Variants in KCNT2 observed in about 807,000 individuals in gnomAD.
KCNT2 encodes the protein potassium channel subfamily T member 2.
In KCNT2, 67 loss-of-function variants were observed where a neutral mutation model predicts 153.8. The ratio of observed to expected loss-of-function variants is 0.44; its 90% CI spans 0.36 to 0.53. KCNT2 has a LOEUF of 0.53. Among genes scored for constraint, KCNT2 ranks in the 20% least tolerant of loss-of-function variants. KCNT2 has a pLI of 0.00. For synonymous variants in KCNT2, 500 were observed against 458.8 expected, an observed-to-expected ratio of 1.09 and a Z score of -1.15; for missense variants, 975 against 1,354.8, an observed-to-expected ratio of 0.72 and a Z score of 4.40.
chr1:196,353,508 A>G (rs1047456575), intron 14 of KCNT2, among the ~76,000 whole-genome samples: 2 of 151,958 alleles, frequency 1.3e-5, no homozygotes, highest in Non-Finnish European at 2.9e-5. Flanking sequence ...AAAAAAACAA[A>G]CCGCAAAAAA....
chr1:196,422,915 A>G (rs961172529), intron 12 of KCNT2, 135 bp downstream of exon 12: 11 of 518,496 alleles, frequency 2.1e-5, no homozygotes, highest in Non-Finnish European at 2.1e-5. Context: ...AAGATAGCTC[A>G]GTAATATTTG....
In KCNT2 at chr1:196,552,711, C is replaced by T. The variant is rs1416460408; in HGVS notation, c.95+55504G>A. Among the ~76,000 whole-genome samples, 13 of 151,298 alleles carry T rather than the reference C, an allele frequency of 8.6e-5. No homozygotes were observed. In the East Asian group the frequency reaches 2.5e-3, roughly 29 times the overall value. ...AACCAATCAAAAATAATAACTACAA[C>T]TTTTGAAGACATAGTACAATAAGAT... is the stretch of plus-strand genomic sequence containing the variant. On this transcript the variant is annotated intron_variant, in intron 1 of 27. Transcript: ENST00000294725.
chr1:196,435,199 ATCTGGATC>A lies in KCNT2; in HGVS notation c.639-5450_639-5443del, dbSNP rs1373961727. ...TATATATATGAATATGGACTACAGC[ATCTGGATC>A]TCATTTGTTTCTTTCTTAAACTTTT... On this transcript the variant is annotated intron_variant, in intron 8 of 27. Transcript: ENST00000294725. 2.3e-4 allele frequency among the ~76,000 whole-genome samples: 30 copies of A among 132,058 alleles called. No individual in the cohort carries two copies. The South Asian group carries it at 7.4e-3, about 33-fold the overall frequency. The allele number at this position is 132,058 out of a possible 152,430, so 86.6% of individuals were successfully genotyped here.
intron 25 of KCNT2, among the ~76,000 whole-genome samples, chr1:196,259,270 A>C (rs1015727928): frequency 7.9e-5 from 12 of 152,066 alleles, no homozygotes; most frequent in African/African-American, 2.9e-4. Flanking sequence ...ATTATGACTT[A>C]CTCTTTTATG....
At chr1:196,295,069 A>G (rs1317972559) in intron 22 of KCNT2, among the ~76,000 whole-genome samples, 1 of 151,752 alleles carries the variant, frequency 6.6e-6, no homozygotes, top group East Asian at 1.9e-4. Context: ...TACAAAAGTA[A>G]TAAGTATGTG....
At chr1:196,599,588 A>T (rs143615261) in intron 1 of KCNT2, among the ~76,000 whole-genome samples, 1 of 152,214 alleles carries the variant, frequency 6.6e-6, no homozygotes, top group Non-Finnish European at 1.5e-5. Flanking sequence ...CAGTAGTGCT[A>T]AGACTACTAA....
chr1:196,558,380 C>CGTGTGTGT (rs142132505), intron 1 of KCNT2, among the ~76,000 whole-genome samples: 12 of 147,322 alleles, frequency 8.1e-5, no homozygotes, highest in South Asian at 2.1e-4. Flanking sequence ...TCTAAAATAA[C>CGTGTGTGT]GTGTGTGTGT....
At chr1:196,232,058 C>T (rs1213732132) in intron 27 of KCNT2, among the ~76,000 whole-genome samples, 1 of 151,716 alleles carries the variant, frequency 6.6e-6, no homozygotes, top group Non-Finnish European at 1.5e-5. Context: ...AAATATACTC[C>T]TTAATGAAAA....
chr1:196,444,871 C>T (rs1473238446), intron 8 of KCNT2, among the ~76,000 whole-genome samples: 8 of 151,240 alleles, frequency 5.3e-5, no homozygotes, highest in Non-Finnish European at 1.0e-4. Flanking sequence ...TTACACTAAA[C>T]TATTAGTCTC....
intron 27 of KCNT2, among the ~76,000 whole-genome samples, chr1:196,229,358 C>T (rs1011032381): frequency 6.6e-6 from 1 of 151,866 alleles, no homozygotes. Flanking sequence ...TACCACTATC[C>T]GCACCCATAT....
At position 196,440,701 on chromosome 1, in the gene KCNT2, A is replaced by AT. The variant is rs767110782; in HGVS notation, c.639-10945dup. Among the ~76,000 whole-genome samples, 672 of 150,766 alleles carry AT rather than the reference A, an allele frequency of 4.5e-3. 6 individuals are homozygous for AT. Among genetic ancestry groups the AT allele is most frequent in the African/African-American group, 6.0e-3 (245 of 41,154 alleles). On this transcript the variant is annotated intron_variant, in intron 8 of 27. Coordinates refer to ENST00000294725, the MANE Select transcript of KCNT2 (RefSeq NM_198503.5). ...TTTAATAATGAAACTGTCAGTTCCTATTTTTTTTTGTTTTTTCATGGATAT... is the reference window on the plus strand; with the variant it reads ...TTTAATAATGAAACTGTCAGTTCCTATTTTTTTTTTGTTTTTTCATGGATAT...
chr1:196,396,554 G>T (rs1363666535), intron 13 of KCNT2, among the ~76,000 whole-genome samples: 2 of 151,298 alleles, frequency 1.3e-5, no homozygotes, highest in African/African-American at 4.8e-5. Flanking sequence ...ATATGGTATT[G>T]TTTTGAGAGC....
chr1:196,301,960 G>C (rs564136056), intron 22 of KCNT2, among the ~76,000 whole-genome samples: 1 of 152,100 alleles, frequency 6.6e-6, no homozygotes, highest in Admixed American at 6.5e-5. Context: ...CGCTGGTCTC[G>C]AACTCCTGAC....
intron 1 of KCNT2, among the ~76,000 whole-genome samples, chr1:196,542,819 T>C (rs1656566676): frequency 6.6e-6 from 1 of 152,090 alleles, no homozygotes. Flanking sequence ...GTGGTTCTGT[T>C]AAAGGATGAT....
At chr1:196,436,709 A>G (rs1674692763) in intron 8 of KCNT2, among the ~76,000 whole-genome samples, 1 of 151,260 alleles carries the variant, frequency 6.6e-6, no homozygotes, top group East Asian at 2.0e-4. Context: ...GTCTGTACCC[A>G]GAAATAATTT....
intron 22 of KCNT2, among the ~76,000 whole-genome samples, chr1:196,301,342 C>G (rs76973942): frequency 2.0e-5 from 3 of 152,256 alleles, no homozygotes; most frequent in African/African-American, 7.2e-5. Context: ...GTGATTCTCT[C>G]GCATGCACAC....
At chr1:196,440,418 A>G (rs971819679) in intron 8 of KCNT2, among the ~76,000 whole-genome samples, 1 of 151,990 alleles carries the variant, frequency 6.6e-6, no homozygotes, top group Non-Finnish European at 1.5e-5. Flanking sequence ...TTGCACTAAT[A>G]TTTATTGTGT....
chr1:196,391,860 T>C (rs1056514303), intron 13 of KCNT2, among the ~76,000 whole-genome samples: 5 of 151,278 alleles, frequency 3.3e-5, no homozygotes, highest in African/African-American at 4.8e-5. Context: ...TCTAAAACTA[T>C]TGCATAAAAA....
rs1229712282 is a variant in KCNT2, at chr1:196,226,644, A to G, written c.*1580T>C. ...AGCCTCCAAGCCAAATTATACAATGACTATAATCTTTGATTTCACATTGCA... is the reference window on the plus strand; with the variant it reads ...AGCCTCCAAGCCAAATTATACAATGGCTATAATCTTTGATTTCACATTGCA... On this transcript the variant is annotated 3_prime_UTR_variant, in exon 28 of 28. Transcript: ENST00000294725. 1 of 152,008 alleles carries G rather than the reference A, an allele frequency of 6.6e-6. No individual in the cohort carries two copies. The highest frequency in any genetic ancestry group is 2.4e-5 in the African/African-American group (1 of 41,450). 9.4% of individuals were successfully genotyped at this position (152,008 alleles called of 1,614,324 possible). A position where few individuals can be genotyped will look rare whatever the true frequency, so the allele number is the denominator to read the frequency against.
Sources: gnomAD v4.1 joint callset for allele counts (sites outside exome capture counted in the v4.1 genomes callset) on GRCh38, gnomAD v4.1.1 for gene constraint, MANE v1.5 for transcripts, NCBI Gene and HGNC (gene_info 2026-07-23, HGNC 2026-07-21) for gene names.